The following CCDC73 variants were observed in gnomAD, a reference collection of about 807,000 sequenced individuals.
CCDC73 encodes the protein coiled-coil domain containing 73, also known as coiled-coil domain-containing protein 73.
In CCDC73, 95 loss-of-function variants were observed where a neutral mutation model predicts 116.5. That is an observed-to-expected ratio of 0.82 (90% CI 0.69 to 0.97). CCDC73 has a LOEUF of 0.97. Among genes scored for constraint, CCDC73 ranks in the 50% least tolerant of loss-of-function variants. CCDC73 has a pLI of 0.00. For missense variants in CCDC73, 1,066 were observed against 1,206.8 expected (o/e 0.88, Z 1.73); for synonymous variants, 398 against 401.3 (o/e 0.99, Z 0.10).
chr11:32,749,741 G>C (rs1458023050), intron 2 of CCDC73, among the ~76,000 whole-genome samples: 1 of 152,090 alleles, frequency 6.6e-6, no homozygotes, highest in African/African-American at 2.4e-5. Context: ...TCTGCACTAG[G>C]GGGCACCACA....
At chr11:32,617,328 GA>G (rs1855482686) in intron 14 of CCDC73, among the ~76,000 whole-genome samples, 1 of 152,130 alleles carries the variant, frequency 6.6e-6, no homozygotes, top group African/African-American at 2.4e-5. Context: ...TTCATTGATG[GA>G]AACCAGCAAT....
chr11:32,608,204 C>A (rs112917919), intron 17 of CCDC73, among the ~76,000 whole-genome samples: 1 of 152,096 alleles, frequency 6.6e-6, no homozygotes. Context: ...CTTCCCAACA[C>A]TCCCCCAAAG....
At chr11:32,733,212 G>A (rs975679610) in intron 2 of CCDC73, among the ~76,000 whole-genome samples, 1 of 152,182 alleles carries the variant, frequency 6.6e-6, no homozygotes, top group African/African-American at 2.4e-5. Flanking sequence ...TCAACAAGAA[G>A]AGCTAACTAT....
chr11:32,825,456 CCACACCT>C, the CCDC73 span, among the ~76,000 whole-genome samples: 1 of 152,020 alleles, frequency 6.6e-6, no homozygotes, highest in Non-Finnish European at 1.5e-5. Context: ...ACATGCACCA[CCACACCT>C]GGCTAATTTT....
intron 9 of CCDC73, among the ~76,000 whole-genome samples, chr11:32,669,588 C>A (rs1382189020): frequency 1.3e-5 from 2 of 151,928 alleles, no homozygotes; most frequent in East Asian, 1.9e-4. Flanking sequence ...ATTAACCACA[C>A]CCATCTTCCC....
At chr11:32,796,918 G>A (rs758108278), upstream of CCDC73, among the ~76,000 whole-genome samples, 7 of 148,546 alleles carry the variant, frequency 4.7e-5, no homozygotes, top group East Asian at 4.0e-4. Flanking sequence ...ACGCTGAGGC[G>A]TAAGAATCGC....
chr11:32,829,782 A>G, the CCDC73 span: 2 of 985,252 alleles, frequency 2.0e-6, no homozygotes, highest in Non-Finnish European at 2.4e-6. Context: ...CCGCCCGGGG[A>G]TGGGGCAGAA....
intron 2 of CCDC73, among the ~76,000 whole-genome samples, chr11:32,722,874 C>T (rs914618885): frequency 5.3e-5 from 8 of 152,218 alleles, no homozygotes; most frequent in Admixed American, 1.3e-4. Flanking sequence ...TTACTATTGC[C>T]ATTTTATACA....
At chr11:32,693,457 T>C (rs1054199317) in intron 6 of CCDC73, among the ~76,000 whole-genome samples, 3 of 152,196 alleles carry the variant, frequency 2.0e-5, no homozygotes, top group African/African-American at 4.8e-5. Flanking sequence ...CTGGGTTGAA[T>C]AAGGCAAAAT....
intron 3 of CCDC73, among the ~76,000 whole-genome samples, chr11:32,704,565 A>AC (rs1244520493): frequency 6.6e-6 from 1 of 152,172 alleles, no homozygotes; most frequent in Non-Finnish European, 1.5e-5. Flanking sequence ...CAGCCTGGGC[A>AC]CTACAGACAG....
intron 9 of CCDC73, among the ~76,000 whole-genome samples, chr11:32,675,196 G>T (rs943223911): frequency 1.3e-5 from 2 of 152,108 alleles, no homozygotes; most frequent in Non-Finnish European, 2.9e-5. Flanking sequence ...CGTAAAAGTA[G>T]AAACATGTTT....
intron 16 of CCDC73, among the ~76,000 whole-genome samples, chr11:32,612,727 ACT>A (rs1255075718): frequency 6.6e-6 from 1 of 151,964 alleles, no homozygotes; most frequent in East Asian, 1.9e-4. Context: ...ACAGAGCAAG[ACT>A]CTATCTCAAA....
At chr11:32,739,712 A>G (rs564135081) in intron 2 of CCDC73, among the ~76,000 whole-genome samples, 1 of 152,070 alleles carries the variant, frequency 6.6e-6, no homozygotes, top group South Asian at 2.1e-4. Flanking sequence ...TGCTCTAGCT[A>G]GGGCTTCCAG....
At chr11:32,709,362 G>C (rs1849880270) in intron 3 of CCDC73, among the ~76,000 whole-genome samples, 1 of 152,078 alleles carries the variant, frequency 6.6e-6, no homozygotes, top group African/African-American at 2.4e-5. Context: ...GCAGTAATGT[G>C]ATCTTGGCTC....
chr11:32,745,515 C>T (rs188478922), intron 2 of CCDC73, among the ~76,000 whole-genome samples: 1 of 152,136 alleles, frequency 6.6e-6, no homozygotes, highest in East Asian at 1.9e-4. Flanking sequence ...AAGTCTCCCA[C>T]TATTATTGTG....
At chr11:32,692,720 C>G (rs1308101515) in intron 6 of CCDC73, among the ~76,000 whole-genome samples, 1 of 152,126 alleles carries the variant, frequency 6.6e-6, no homozygotes, top group Non-Finnish European at 1.5e-5. Context: ...AATGCAGACA[C>G]TGTTTTACAA....
At chr11:32,821,454 C>A in the CCDC73 span, among the ~76,000 whole-genome samples, 1 of 152,080 alleles carries the variant, frequency 6.6e-6, no homozygotes, top group Admixed American at 6.6e-5. Flanking sequence ...TAAAAAAGTC[C>A]TTTTACTTAT....
chr11:32,604,017 A>C (rs1590535402), intron 17 of CCDC73: 1 of 152,378 alleles, frequency 6.6e-6, no homozygotes, highest in African/African-American at 2.4e-5. Flanking sequence ...CAATGAGCCA[A>C]GATCATGCCA....
the CCDC73 span, among the ~76,000 whole-genome samples, chr11:32,811,074 C>CA: frequency 0.013 from 446 of 33,406 alleles, 1 homozygote; most frequent in African/African-American, 0.075. Flanking sequence ...ACAACAACAA[C>CA]AACAAAAAAA....
Sources: gnomAD v4.1 joint callset for allele counts (sites outside exome capture counted in the v4.1 genomes callset) on GRCh38, gnomAD v4.1.1 for gene constraint, MANE v1.5 for transcripts, NCBI Gene and HGNC (gene_info 2026-07-23, HGNC 2026-07-21) for gene names.